Variants in MREG observed in about 807,000 individuals in gnomAD.
The protein encoded by MREG is dilute suppressor protein homolog.
A neutral mutation model predicts 28.5 loss-of-function variants in MREG; 31 were observed. That is an observed-to-expected ratio of 1.09 (90% CI 0.82 to 1.47). The LOEUF is 1.47. Ranked by LOEUF, MREG falls within the 40% of genes most tolerant of loss-of-function variation. The pLI, the probability that MREG is intolerant of heterozygous loss-of-function variation, is 0.00. For synonymous variants in MREG, 106 were observed against 95.2 expected (o/e 1.11, Z -0.66); for missense variants, 256 against 257.4 (o/e 0.99, Z 0.04).
At chr2:215,993,075 A>C (rs570204428) in intron 2 of MREG, among the ~76,000 whole-genome samples, 3 of 152,234 alleles carry the variant, frequency 2.0e-5, no homozygotes, top group Non-Finnish European at 4.4e-5. Flanking sequence ...TTTAAATTTC[A>C]TATGGAACCA....
intron 2 of MREG, among the ~76,000 whole-genome samples, chr2:215,952,925 A>C (rs1283458728): frequency 6.6e-6 from 1 of 152,080 alleles, no homozygotes; most frequent in Non-Finnish European, 1.5e-5. Flanking sequence ...TCTATGAATA[A>C]AGAGTAACTT....
chr2:215,948,549 G>A (rs1692381568), intron 2 of MREG, among the ~76,000 whole-genome samples: 1 of 152,172 alleles, frequency 6.6e-6, no homozygotes, highest in African/African-American at 2.4e-5. Flanking sequence ...TCATGTTAAG[G>A]CATACCTATC....
chr2:215,946,309 C>T (rs188127594), intron 3 of MREG, among the ~76,000 whole-genome samples: 174 of 151,760 alleles, frequency 1.1e-3, no homozygotes, highest in African/African-American at 3.4e-3. Flanking sequence ...CATCCCATCC[C>T]ATTGCATGCC....
At chr2:215,980,825 A>T (rs2106000379) in intron 2 of MREG, among the ~76,000 whole-genome samples, 1 of 141,708 alleles carries the variant, frequency 7.1e-6, no homozygotes, top group East Asian at 2.4e-4. Context: ...GAAAGAAGAA[A>T]AGGGAAGAGA....
chr2:215,984,447 G>C (rs1360011587), intron 2 of MREG, among the ~76,000 whole-genome samples: 1 of 149,324 alleles, frequency 6.7e-6, no homozygotes, highest in Non-Finnish European at 1.5e-5. Context: ...GAGCCCAGGA[G>C]GTCGAGGCTA....
intron 4 of MREG, 129 bp downstream of exon 4, chr2:215,945,442 T>C: frequency 8.8e-7 from 1 of 1,140,548 alleles, no homozygotes; most frequent in African/African-American, 1.5e-5. Context: ...CCACAGCATA[T>C]AATGCCAGCA....
chr2:215,987,690 G>A (rs1419552534), intron 2 of MREG, among the ~76,000 whole-genome samples: 1 of 151,150 alleles, frequency 6.6e-6, no homozygotes, highest in African/African-American at 2.4e-5. Context: ...AGACCAGACA[G>A]ACCAACATGG....
At chr2:216,021,216 C>T (rs1345533565) in intron 1 of MREG, among the ~76,000 whole-genome samples, 1 of 152,110 alleles carries the variant, frequency 6.6e-6, no homozygotes. Flanking sequence ...GATGCAATCT[C>T]GGCTCATTGC....
At chr2:216,016,116 G>A (rs1694445880), upstream of MREG, among the ~76,000 whole-genome samples, 1 of 152,180 alleles carries the variant, frequency 6.6e-6, no homozygotes, top group Non-Finnish European at 1.5e-5. Context: ...GGGGAGACAG[G>A]ATATGGACCC....
At chr2:216,024,885 A>G (rs1364599148) in intron 1 of MREG, among the ~76,000 whole-genome samples, 1 of 149,140 alleles carries the variant, frequency 6.7e-6, no homozygotes, top group African/African-American at 2.4e-5. Flanking sequence ...TCTGTCTCAA[A>G]AAAAAAAAAG....
intron 2 of MREG, among the ~76,000 whole-genome samples, chr2:215,964,777 C>G (rs1203600994): frequency 6.6e-6 from 1 of 152,094 alleles, no homozygotes; most frequent in Non-Finnish European, 1.5e-5. Flanking sequence ...TGTATCAAAG[C>G]ATATAAAAAT....
At chr2:216,001,633 C>T (rs1473890005) in intron 1 of MREG, among the ~76,000 whole-genome samples, 1 of 152,152 alleles carries the variant, frequency 6.6e-6, no homozygotes, top group East Asian at 1.9e-4. Flanking sequence ...AATAAATAAA[C>T]AAAGAACTTT....
At chr2:216,018,972 C>T (rs928483345) in intron 1 of MREG, among the ~76,000 whole-genome samples, 2 of 152,172 alleles carry the variant, frequency 1.3e-5, no homozygotes, top group South Asian at 2.1e-4. Flanking sequence ...TGCTTCTTAA[C>T]GGCAAAGACT....
At chr2:215,959,276 C>T (rs1052277887) in intron 2 of MREG, among the ~76,000 whole-genome samples, 5 of 152,166 alleles carry the variant, frequency 3.3e-5, no homozygotes, top group Non-Finnish European at 5.9e-5. Flanking sequence ...TCAGTTTCCA[C>T]CTTTCTGCTG....
At chr2:215,970,671 T>C (rs921843234) in intron 2 of MREG, among the ~76,000 whole-genome samples, 2 of 152,216 alleles carry the variant, frequency 1.3e-5, no homozygotes, top group Admixed American at 6.5e-5. Context: ...ATTCAGCCTC[T>C]GTGACCTCAG....
chr2:215,942,567 T>C (rs1692211822), downstream of MREG, among the ~76,000 whole-genome samples: 1 of 152,228 alleles, frequency 6.6e-6, no homozygotes, highest in African/African-American at 2.4e-5. Context: ...ATGTCAGAAA[T>C]ATAACACACA....
upstream of MREG, among the ~76,000 whole-genome samples, chr2:216,016,389 A>G (rs972834456): frequency 1.3e-5 from 2 of 152,204 alleles, no homozygotes; most frequent in African/African-American, 4.8e-5. Flanking sequence ...CAAAATGTGA[A>G]CTCAGCTAGC....
intron 2 of MREG, among the ~76,000 whole-genome samples, chr2:215,989,963 A>G (rs1693679526): frequency 1.3e-5 from 2 of 152,176 alleles, no homozygotes; most frequent in South Asian, 4.1e-4. Context: ...CCAAGTTGGA[A>G]AACACTCTTC....
chr2:216,015,170 T>TGC (rs1434294897), upstream of MREG, among the ~76,000 whole-genome samples: 1 of 151,788 alleles, frequency 6.6e-6, no homozygotes, highest in Non-Finnish European at 1.5e-5. Flanking sequence ...CGCGCGCGCG[T>TGC]GCGTGTGTGT....
Sources: allele counts gnomAD v4.1 joint callset (sites outside exome capture counted in the v4.1 genomes callset), GRCh38; gene constraint gnomAD v4.1.1; transcripts MANE v1.5; gene names NCBI Gene and HGNC (gene_info 2026-07-23, HGNC 2026-07-21).